CTNNA2: variants seen among roughly 807,000 people sequenced by gnomAD.
CTNNA2 encodes catenin alpha 2, also known as catenin alpha-2.
In CTNNA2, 42 loss-of-function variants were observed where a neutral mutation model predicts 101.0. The ratio of observed to expected loss-of-function variants is 0.42; its 90% CI spans 0.32 to 0.54. The LOEUF is 0.54. Among genes scored for constraint, CTNNA2 ranks in the 20% least tolerant of loss-of-function variants. The probability of loss-of-function intolerance (pLI) is 0.14; values close to 1 mark genes in which losing one functional copy is unlikely to be tolerated. For synonymous variants in CTNNA2, 450 were observed against 456.4 expected (o/e 0.99, Z 0.18); for missense variants, 871 against 1,223.1 (o/e 0.71, Z 4.29).
intron 3 of CTNNA2, among the ~76,000 whole-genome samples, chr2:79,761,343 G>A (rs1427181330): frequency 6.6e-6 from 1 of 152,104 alleles, no homozygotes; most frequent in Non-Finnish European, 1.5e-5. Context: ...GGTAGTTTAA[G>A]TTTTGTGGTG....
At chr2:79,774,998 T>C (rs895817377) in intron 3 of CTNNA2, among the ~76,000 whole-genome samples, 5 of 152,140 alleles carry the variant, frequency 3.3e-5, no homozygotes, top group African/African-American at 1.2e-4. Flanking sequence ...CCCTTTATGA[T>C]TGGACTATAT....
At chr2:79,878,189 A>G (rs2916500) in intron 6 of CTNNA2, among the ~76,000 whole-genome samples, 101,518 of 152,038 alleles carry the variant, frequency 0.67, 34,275 homozygotes, top group Middle Eastern at 0.81. Context: ...GTGTATATGT[A>G]GCACATTTTC....
In CTNNA2 at chr2:80,303,595, G is replaced by A; in HGVS notation, c.1057-89616G>A. 6.2e-7 allele frequency: 1 copy of A among 1,614,208 alleles called. No individual in the cohort carries two copies. The highest frequency in any genetic ancestry group is 1.3e-5 in the African/African-American group (1 of 75,066). ...GGCCGGCGCGCAGCTCCGAGAGGCT[G>A]TTGTAGCGCAGGGACAAGCCCAGCA... is the stretch of plus-strand genomic sequence containing the variant. On this transcript the variant is annotated intron_variant, in intron 7 of 18. Transcript: ENST00000402739. The surrounding 1 kb of genome is among the most constrained non-coding windows in gnomAD (Gnocchi z 7.7).
At chr2:79,363,679 A>G (rs1041969492) in intron 3 of CTNNA2, among the ~76,000 whole-genome samples, 2 of 152,178 alleles carry the variant, frequency 1.3e-5, no homozygotes, top group African/African-American at 4.8e-5. Flanking sequence ...TCTCTGAAAC[A>G]AGAGTTTTCC....
At chr2:80,487,641 G>A (rs1686701300) in intron 9 of CTNNA2, among the ~76,000 whole-genome samples, 1 of 152,168 alleles carries the variant, frequency 6.6e-6, no homozygotes, top group Non-Finnish European at 1.5e-5. Context: ...CATGACACAT[G>A]GGGATTATGG....
intron 4 of CTNNA2, among the ~76,000 whole-genome samples, chr2:79,420,461 C>A (rs1050201423): frequency 6.6e-6 from 1 of 152,120 alleles, no homozygotes; most frequent in African/African-American, 2.4e-5. Context: ...GGACTAAAGG[C>A]AGGCTAAACT....
intron 7 of CTNNA2, among the ~76,000 whole-genome samples, chr2:79,934,538 T>G (rs1051969131): frequency 6.6e-6 from 1 of 152,228 alleles, no homozygotes; most frequent in African/African-American, 2.4e-5. Context: ...CAGCTTTCCT[T>G]GTATTCTAAG....
chr2:79,656,110 T>C (rs1412836925), intron 2 of CTNNA2, among the ~76,000 whole-genome samples: 1 of 152,126 alleles, frequency 6.6e-6, no homozygotes, highest in East Asian at 1.9e-4. Context: ...AAATTAAATA[T>C]GTGAATTTTA....
intron 1 of CTNNA2, among the ~76,000 whole-genome samples, chr2:79,579,838 T>A (rs563991594): frequency 6.6e-6 from 1 of 152,070 alleles, no homozygotes; most frequent in East Asian, 1.9e-4. Context: ...GGTCTTAAAC[T>A]CCTGACCTCA....
At chr2:79,486,242 A>C in intron 4 of CTNNA2, among the ~76,000 whole-genome samples, 2 of 138,572 alleles carry the variant, frequency 1.4e-5, no homozygotes, top group African/African-American at 2.8e-5. Flanking sequence ...ACCCCACAAC[A>C]ATCCCCGGTG....
chr2:80,617,886 T>C (rs1327327287), intron 17 of CTNNA2, among the ~76,000 whole-genome samples: 3 of 151,890 alleles, frequency 2.0e-5, no homozygotes, highest in Non-Finnish European at 4.4e-5. Flanking sequence ...TTTAGCCATT[T>C]ATGATGCCAT....
intron 16 of CTNNA2, chr2:80,605,575 A>T (rs1697930273): frequency 1.3e-5 from 2 of 151,808 alleles, no homozygotes; most frequent in Admixed American, 1.3e-4. Context: ...ATTCCTATAT[A>T]TAAGGGTTGC....
rs1676144786 is a variant in CTNNA2 at position 79,302,805 on chromosome 2, A to G, written c.-405-9904A>G. 2.0e-5 allele frequency among the ~76,000 whole-genome samples: 3 copies of G among 152,152 alleles called. No homozygotes were observed. In the South Asian group the frequency reaches 6.2e-4, roughly 32 times the overall value. ...AAATTTTTCAACAACCATAATAATA[A>G]AATTTGCCAACATTTGTTGAACTCT... On this transcript the variant is annotated intron_variant, in intron 2 of 21. Coordinates refer to the CTNNA2 transcript ENST00000466387.
At chr2:80,516,338 C>T (rs543902836) in intron 9 of CTNNA2, among the ~76,000 whole-genome samples, 1 of 152,218 alleles carries the variant, frequency 6.6e-6, no homozygotes, top group South Asian at 2.1e-4. Flanking sequence ...ACATAAAAGC[C>T]GCAGAAGCTA....
intron 6 of CTNNA2, among the ~76,000 whole-genome samples, chr2:79,884,670 C>T (rs1683702737): frequency 6.6e-6 from 1 of 151,952 alleles, no homozygotes; most frequent in Admixed American, 6.6e-5. Flanking sequence ...ATAAGTTCCC[C>T]GTCCTATTTT....
At chr2:79,815,485 C>A in intron 3 of CTNNA2, among the ~76,000 whole-genome samples, 1 of 151,994 alleles carries the variant, frequency 6.6e-6, no homozygotes, top group African/African-American at 2.4e-5. Context: ...ATGTGGCTAG[C>A]CAATTATCCC....
intron 3 of CTNNA2, among the ~76,000 whole-genome samples, chr2:79,807,787 C>G (rs1307019381): frequency 3.3e-5 from 5 of 152,102 alleles, no homozygotes; most frequent in Middle Eastern, 6.8e-3. Flanking sequence ...ATTGTAAATA[C>G]TAAGATATTG....
At chr2:80,270,373 T>C (rs1673368718) in intron 7 of CTNNA2, among the ~76,000 whole-genome samples, 1 of 152,216 alleles carries the variant, frequency 6.6e-6, no homozygotes, top group African/African-American at 2.4e-5. Flanking sequence ...GGTTTCTTGA[T>C]GTACTAAAAG....
chr2:80,535,966 A>T (rs554198407), intron 9 of CTNNA2, among the ~76,000 whole-genome samples: 1 of 152,160 alleles, frequency 6.6e-6, no homozygotes, highest in South Asian at 2.1e-4. Context: ...CATTTAGCCT[A>T]TTCCTATGCC....
Sources: allele counts gnomAD v4.1 joint callset (sites outside exome capture counted in the v4.1 genomes callset), GRCh38; gene constraint gnomAD v4.1.1; non-coding constraint Gnocchi (gnomAD v3.1); transcripts MANE v1.5; gene names NCBI Gene and HGNC (gene_info 2026-07-23, HGNC 2026-07-21).